Variants in KCNB2 observed in about 807,000 individuals in gnomAD.
KCNB2 encodes the protein delayed rectifier potassium channel protein.
A neutral mutation model predicts 61.5 loss-of-function variants in KCNB2; 15 were observed. The ratio of observed to expected loss-of-function variants is 0.24; its 90% CI spans 0.16 to 0.38. The LOEUF is 0.38. KCNB2 is among the 10% of genes least tolerant of loss of function. KCNB2 has a pLI of 1.00. For synonymous variants in KCNB2, 457 were observed against 446.0 expected (o/e 1.02, Z -0.31); for missense variants, 828 against 1,125.2 (o/e 0.74, Z 3.78).
At chr8:72,582,704 C>T (rs528350516) in intron 2 of KCNB2, among the ~76,000 whole-genome samples, 1 of 152,214 alleles carries the variant, frequency 6.6e-6, no homozygotes, top group Non-Finnish European at 1.5e-5. Context: ...CCTCAAACTC[C>T]TGGGCTCAAG....
chr8:72,811,291 C>T (rs1809302925), intron 2 of KCNB2, among the ~76,000 whole-genome samples: 1 of 150,906 alleles, frequency 6.6e-6, no homozygotes, highest in South Asian at 2.1e-4. Context: ...ATGTAAATCT[C>T]TGGTTCATTT....
At chr8:72,724,936 G>T (rs942224126) in intron 2 of KCNB2, among the ~76,000 whole-genome samples, 2 of 152,056 alleles carry the variant, frequency 1.3e-5, no homozygotes, top group African/African-American at 4.8e-5. Context: ...TTAGTTTTGA[G>T]AGCTTTAACA....
intron 2 of KCNB2, among the ~76,000 whole-genome samples, chr8:72,807,535 T>C (rs1809244633): frequency 6.6e-6 from 1 of 152,184 alleles, no homozygotes; most frequent in Non-Finnish European, 1.5e-5. Flanking sequence ...CTATCTGCCT[T>C]TGCATGTATC....
At chr8:72,873,240 G>T (rs764763999) in intron 2 of KCNB2, among the ~76,000 whole-genome samples, 36 of 152,176 alleles carry the variant, frequency 2.4e-4, no homozygotes, top group Non-Finnish European at 5.1e-4. Flanking sequence ...CTCTTGTGCC[G>T]CAGAGAGGAG....
At chr8:72,930,713 G>A (rs1422516859) in intron 2 of KCNB2, among the ~76,000 whole-genome samples, 1 of 152,162 alleles carries the variant, frequency 6.6e-6, no homozygotes, top group African/African-American at 2.4e-5. Context: ...TGTCAGATGA[G>A]TAGATTGCAA....
chr8:72,823,293 A>G (rs1380358129), intron 2 of KCNB2, among the ~76,000 whole-genome samples: 1 of 152,028 alleles, frequency 6.6e-6, no homozygotes, highest in Non-Finnish European at 1.5e-5. Context: ...AACAGGTGAT[A>G]TTTTTCACAG....
intron 2 of KCNB2, among the ~76,000 whole-genome samples, chr8:72,676,769 G>C (rs577519134): frequency 6.6e-6 from 1 of 152,002 alleles, no homozygotes; most frequent in Non-Finnish European, 1.5e-5. Context: ...CTTGTATTTC[G>C]TTGAGGAAAT....
chr8:72,583,965 A>C lies in KCNB2; in HGVS notation c.579+15652A>C, dbSNP rs1384138322. Among the ~76,000 whole-genome samples the C allele has an allele frequency of 5.4e-3, 791 of 147,474 alleles. 8 individuals are homozygous for C. The highest frequency in any genetic ancestry group is 0.018 in the African/African-American group (720 of 40,056). On this transcript the variant is annotated intron_variant, in intron 2 of 2. Transcript: ENST00000523207. The stretch of plus-strand genomic sequence containing the variant: ...TAGAATATCAAAAAAAAAAAAAAAA[A>C]CAAACAAAACCCAAACCCAAAACCA...
At chr8:72,845,599 G>A (rs921476476) in intron 2 of KCNB2, among the ~76,000 whole-genome samples, 5 of 152,206 alleles carry the variant, frequency 3.3e-5, no homozygotes, top group African/African-American at 7.2e-5. Flanking sequence ...ATAAGTCCCC[G>A]ACTGGGGCTG....
At chr8:72,558,185 C>T (rs960023092) in intron 1 of KCNB2, among the ~76,000 whole-genome samples, 2 of 152,154 alleles carry the variant, frequency 1.3e-5, no homozygotes, top group Non-Finnish European at 2.9e-5. Flanking sequence ...CAGGTTTAAG[C>T]CCTCATGGCA....
chr8:72,645,157 C>A (rs1362371098), intron 2 of KCNB2, among the ~76,000 whole-genome samples: 1 of 152,144 alleles, frequency 6.6e-6, no homozygotes, highest in Non-Finnish European at 1.5e-5. Context: ...CCAGTGATGA[C>A]CATCTCCAAT....
chr8:72,833,678 TC>T (rs1304103975), intron 2 of KCNB2, among the ~76,000 whole-genome samples: 2 of 152,298 alleles, frequency 1.3e-5, no homozygotes, highest in East Asian at 3.9e-4. Context: ...CAAGGAGCTG[TC>T]CAGCAGAAGT....
chr8:72,927,782 C>T lies in KCNB2; in HGVS notation c.580-8153C>T, dbSNP rs540927674. 4.9e-4 allele frequency among the ~76,000 whole-genome samples: 74 copies of T among 152,306 alleles called. 1 individual carries two copies. The Middle Eastern group carries it at 0.017, about 35-fold the overall frequency. On this transcript the variant is annotated intron_variant, in intron 2 of 2. Coordinates refer to ENST00000523207, the MANE Select transcript of KCNB2 (RefSeq NM_004770.3). ...CAGCAGTCCTGAAATAATCACAAAC[C>T]CCTATGTGTCATGCCTCTTTATGGA...
At chr8:72,585,560 GTCTC>G (rs1410286471) in intron 2 of KCNB2, among the ~76,000 whole-genome samples, 1 of 152,116 alleles carries the variant, frequency 6.6e-6, no homozygotes, top group East Asian at 1.9e-4. Flanking sequence ...TAGAGACAGG[GTCTC>G]TCTATGTTAC....
chr8:72,678,880 A>G (rs556458600), intron 2 of KCNB2, among the ~76,000 whole-genome samples: 5 of 152,272 alleles, frequency 3.3e-5, no homozygotes, highest in South Asian at 2.1e-4. Context: ...ATGCACCTCA[A>G]TGTAAACCTT....
intron 2 of KCNB2, among the ~76,000 whole-genome samples, chr8:72,846,037 C>A (rs10111864): frequency 6.6e-6 from 1 of 151,556 alleles, no homozygotes; most frequent in Admixed American, 6.6e-5. Flanking sequence ...CACAATCAGC[C>A]GCCCAGTTTT....
intron 2 of KCNB2, among the ~76,000 whole-genome samples, chr8:72,722,272 A>C (rs1205853368): frequency 6.6e-6 from 1 of 152,172 alleles, no homozygotes; most frequent in Non-Finnish European, 1.5e-5. Flanking sequence ...TGCAGGCAGA[A>C]TGATCTTCCA....
At chr8:72,626,682 A>T (rs1481086118) in intron 2 of KCNB2, among the ~76,000 whole-genome samples, 3 of 152,224 alleles carry the variant, frequency 2.0e-5, no homozygotes, top group Non-Finnish European at 2.9e-5. Context: ...CATACGCAAG[A>T]TCCAACAATG....
intron 2 of KCNB2, among the ~76,000 whole-genome samples, chr8:72,702,824 A>T (rs977743842): frequency 9.2e-5 from 14 of 152,116 alleles, no homozygotes; most frequent in Non-Finnish European, 1.9e-4. Flanking sequence ...GAGGCTCTGG[A>T]AGCAGCTGTG....
Sources: allele counts gnomAD v4.1 joint callset (sites outside exome capture counted in the v4.1 genomes callset), GRCh38; gene constraint gnomAD v4.1.1; transcripts MANE v1.5; gene names NCBI Gene and HGNC (gene_info 2026-07-23, HGNC 2026-07-21).